TRIM71: variants seen among roughly 807,000 people sequenced by gnomAD.
TRIM71 encodes the protein E3 ubiquitin-protein ligase TRIM71.
A neutral mutation model predicts 61.2 loss-of-function variants in TRIM71; 9 were observed. The ratio of observed to expected loss-of-function variants is 0.15; its 90% CI spans 0.09 to 0.26. The LOEUF (loss-of-function observed/expected upper bound fraction) is 0.26. Among genes scored for constraint, TRIM71 ranks in the 10% least tolerant of loss-of-function variants. The probability of loss-of-function intolerance (pLI) is 1.00; values close to 1 mark genes in which losing one functional copy is unlikely to be tolerated. For synonymous variants in TRIM71, 645 were observed against 553.2 expected, an observed-to-expected ratio of 1.17 and a Z score of -2.33; for missense variants, 998 against 1,238.7, an observed-to-expected ratio of 0.81 and a Z score of 2.92.
rs1185877019 is a variant in TRIM71 at position 32,894,368 on chromosome 3, T to A, written c.*2557T>A. On this transcript the variant is annotated 3_prime_UTR_variant, in exon 4 of 4. Coordinates refer to ENST00000383763, the MANE Select transcript of TRIM71 (RefSeq NM_001039111.3). ...GTGCATAACAGTAACTAGAGCTCCT[T>A]ATTTGACATTTTACTATGGATGTGA... 6.6e-6 allele frequency: 1 copy of A among 152,224 alleles called. No homozygotes were observed. Among genetic ancestry groups the A allele is most frequent in the African/African-American group, 2.4e-5 (1 of 41,460 alleles). 9.4% of individuals were successfully genotyped at this position (152,224 alleles called of 1,614,324 possible). A position where few individuals can be genotyped will look rare whatever the true frequency, so the allele number is the denominator to read the frequency against.
chr3:32,890,483 G>A lies in TRIM71; in HGVS notation c.1279G>A (p.Ala427Thr). The change falls in exon 4 of 4, where the codon GCG becomes ACG. Residue 427 changes from alanine (A) to threonine (T), a missense_variant. This residue lies in a region of TRIM71 where 291 missense variants were observed against 431.2 expected (regional missense o/e 0.67). Transcript: ENST00000383763. This position sits in a 1 kb window ranked among gnomAD's most constrained non-coding sequence, Gnocchi z 6.2. ...AVQQVLEEGRALDILLARDRM... is the reference protein window; with the variant it reads ...AVQQVLEEGRTLDILLARDRM... ...GCAGCAGGTCCTGGAGGAGGGTAGAGCGCTAGACATCCTACTGGCCCGAGA... is the reference window on the plus strand; with the variant it reads ...GCAGCAGGTCCTGGAGGAGGGTAGAACGCTAGACATCCTACTGGCCCGAGA... The A allele has an allele frequency of 6.2e-7, 1 of 1,614,212 alleles. No individual in the cohort carries two copies. The highest frequency in any genetic ancestry group is 2.2e-5 in the East Asian group (1 of 44,886).
intron 1 of TRIM71, among the ~76,000 whole-genome samples, chr3:32,865,843 T>A (rs1206052298): frequency 4.6e-4 from 36 of 78,154 alleles, no homozygotes; most frequent in Non-Finnish European, 5.4e-4. Context: ...TTTTTTTTTT[T>A]AAGACAGAGT....
chr3:32,864,037 T>G (rs777888398), intron 1 of TRIM71, among the ~76,000 whole-genome samples: 1 of 152,210 alleles, frequency 6.6e-6, no homozygotes, highest in Non-Finnish European at 1.5e-5. Context: ...CCACGGTGTA[T>G]GTTGATGTGG....
chr3:32,834,178 C>G (rs906372800), intron 1 of TRIM71, among the ~76,000 whole-genome samples: 1 of 152,212 alleles, frequency 6.6e-6, no homozygotes, highest in Non-Finnish European at 1.5e-5. Context: ...AGTGTCTCCA[C>G]TTTTAAACTG....
intron 1 of TRIM71, among the ~76,000 whole-genome samples, chr3:32,859,015 C>A (rs941829667): frequency 2.0e-5 from 3 of 152,096 alleles, no homozygotes; most frequent in African/African-American, 7.2e-5. Context: ...CTGCCCCTCA[C>A]CACTTTTATA....
At chr3:32,830,630 C>T (rs915930381) in intron 1 of TRIM71, among the ~76,000 whole-genome samples, 19 of 152,092 alleles carry the variant, frequency 1.2e-4, no homozygotes, top group Admixed American at 2.6e-4. Context: ...TGGCCTCTGT[C>T]GATATCAGTG....
intron 1 of TRIM71, among the ~76,000 whole-genome samples, chr3:32,867,552 A>C (rs1416105786): frequency 6.6e-6 from 1 of 152,082 alleles, no homozygotes; most frequent in Non-Finnish European, 1.5e-5. Context: ...TCCTGTGCTC[A>C]AGTGATCCTT....
chr3:32,887,550 G>A (rs1195562930), intron 3 of TRIM71, among the ~76,000 whole-genome samples: 2 of 145,432 alleles, frequency 1.4e-5, no homozygotes, highest in Non-Finnish European at 3.0e-5. Context: ...CTCTGTCTGG[G>A]CATCTCTTTG....
intron 1 of TRIM71, among the ~76,000 whole-genome samples, chr3:32,848,123 G>C (rs1696496186): frequency 6.6e-6 from 1 of 152,188 alleles, no homozygotes; most frequent in Admixed American, 6.5e-5. Context: ...CTTTATACAA[G>C]CATGGCAAAG....
chr3:32,838,467 C>T (rs1360247084), intron 1 of TRIM71, among the ~76,000 whole-genome samples: 5 of 151,648 alleles, frequency 3.3e-5, no homozygotes, highest in Admixed American at 2.6e-4. Flanking sequence ...AAGTGATCCA[C>T]CCGCCTCTGC....
At chr3:32,839,660 TTGGGGG>T (rs1696380407) in intron 1 of TRIM71, among the ~76,000 whole-genome samples, 1 of 30,282 alleles carries the variant, frequency 3.3e-5, no homozygotes, top group Admixed American at 4.8e-4. Flanking sequence ...TGAGCTTTTT[TTGGGGG>T]GGGGGTGGGG....
chr3:32,827,394 C>T (rs1337297238), intron 1 of TRIM71, among the ~76,000 whole-genome samples: 1 of 151,294 alleles, frequency 6.6e-6, no homozygotes, highest in Middle Eastern at 3.2e-3. Context: ...TCACGAGTAG[C>T]TGGGATCACA....
At chr3:32,841,664 A>G (rs1420859071) in intron 1 of TRIM71, among the ~76,000 whole-genome samples, 2 of 152,164 alleles carry the variant, frequency 1.3e-5, no homozygotes, top group African/African-American at 4.8e-5. Flanking sequence ...GGATTGGTTA[A>G]TAAGTTTAGT....
intron 1 of TRIM71, among the ~76,000 whole-genome samples, chr3:32,870,384 C>A (rs1696782022): frequency 6.6e-6 from 1 of 152,174 alleles, no homozygotes; most frequent in African/African-American, 2.4e-5. Context: ...GTCCCCATCT[C>A]TGTTGCAGGC....
chr3:32,888,894 C>T (rs932614746), intron 3 of TRIM71, among the ~76,000 whole-genome samples: 4 of 152,186 alleles, frequency 2.6e-5, no homozygotes, highest in Non-Finnish European at 5.9e-5. Context: ...TTGTGAAATG[C>T]TGAGCCTGTG....
chr3:32,824,681 G>A (rs1157077654), intron 1 of TRIM71, among the ~76,000 whole-genome samples: 3 of 151,932 alleles, frequency 2.0e-5, no homozygotes, highest in South Asian at 2.1e-4. Flanking sequence ...ATGGCGTTTC[G>A]CCATGTTGCC....
chr3:32,864,683 A>G (rs1486895396), intron 1 of TRIM71, among the ~76,000 whole-genome samples: 1 of 152,212 alleles, frequency 6.6e-6, no homozygotes, highest in Non-Finnish European at 1.5e-5. Context: ...GTCTGCCCTC[A>G]GGGCTCAGGC....
At chr3:32,858,112 C>CT (rs1252624815) in intron 1 of TRIM71, among the ~76,000 whole-genome samples, 2 of 152,096 alleles carry the variant, frequency 1.3e-5, no homozygotes, top group African/African-American at 2.4e-5. Flanking sequence ...GTCTTGCTGT[C>CT]TTAGGGGTGG....
chr3:32,836,871 C>A (rs1306667552), intron 1 of TRIM71, among the ~76,000 whole-genome samples: 1 of 152,168 alleles, frequency 6.6e-6, no homozygotes, highest in African/African-American at 2.4e-5. Context: ...TCTCTGCAGA[C>A]GTTCAGTTAT....
Sources: allele counts gnomAD v4.1 joint callset (sites outside exome capture counted in the v4.1 genomes callset), GRCh38; gene constraint gnomAD v4.1.1; regional missense constraint gnomAD v4.1.1; non-coding constraint Gnocchi (gnomAD v3.1); transcripts MANE v1.5; gene names NCBI Gene and HGNC (gene_info 2026-07-23, HGNC 2026-07-21).